CALD1: variants seen among roughly 807,000 people sequenced by gnomAD.
The protein encoded by CALD1 is caldesmon 1.
CALD1 carries 33 observed loss-of-function variants against 99.9 expected under a neutral mutation model. That is an observed-to-expected ratio of 0.33 (90% CI 0.25 to 0.44). The LOEUF is 0.44. Ranked by LOEUF, CALD1 falls within the 20% of genes least tolerant of loss-of-function variation. The probability of loss-of-function intolerance (pLI) is 1.00; values close to 1 mark genes in which losing one functional copy is unlikely to be tolerated. For missense variants in CALD1, 861 were observed against 962.1 expected (o/e 0.89, Z 1.39); for synonymous variants, 310 against 325.0 (o/e 0.95, Z 0.50).
intron 1 of CALD1, among the ~76,000 whole-genome samples, chr7:134,751,063 C>T (rs1473988021): frequency 6.6e-6 from 1 of 152,204 alleles, no homozygotes; most frequent in Non-Finnish European, 1.5e-5. Flanking sequence ...ACTTACAATG[C>T]ACACTGAGAC....
intron 1 of CALD1, among the ~76,000 whole-genome samples, chr7:134,786,366 T>C (rs1797305736): frequency 6.6e-6 from 1 of 152,240 alleles, no homozygotes; most frequent in African/African-American, 2.4e-5. Context: ...TTTTTGTGTT[T>C]TATTAATGAG....
At chr7:134,711,660 CTATATATA>C in the CALD1 span, among the ~76,000 whole-genome samples, 7 of 78,350 alleles carry the variant, frequency 8.9e-5, no homozygotes, top group African/African-American at 3.1e-4. Flanking sequence ...CTCTCTCTCT[CTATATATA>C]TATATATATA....
At chr7:134,894,718 G>A (rs1417785732) in intron 3 of CALD1, among the ~76,000 whole-genome samples, 4 of 152,166 alleles carry the variant, frequency 2.6e-5, no homozygotes, top group African/African-American at 4.8e-5. Flanking sequence ...AGTCGTGAAT[G>A]GTTGTTCAGT....
At chr7:134,837,629 G>A (rs1799497526) in intron 1 of CALD1, among the ~76,000 whole-genome samples, 1 of 152,140 alleles carries the variant, frequency 6.6e-6, no homozygotes, top group African/African-American at 2.4e-5. Context: ...TTACAGGCGT[G>A]AGCCAATGCA....
chr7:134,831,101 A>T (rs1006798991), intron 1 of CALD1, among the ~76,000 whole-genome samples: 1 of 152,244 alleles, frequency 6.6e-6, no homozygotes, highest in African/African-American at 2.4e-5. Flanking sequence ...TGATAAGGGA[A>T]TGATTACATA....
At chr7:134,883,130 G>C (rs144977304) in intron 3 of CALD1, among the ~76,000 whole-genome samples, 1,771 of 152,264 alleles carry the variant, frequency 0.012, 24 homozygotes, top group Non-Finnish European at 0.018. Context: ...AATAGCCTCA[G>C]AACTGTATTT....
chr7:134,789,051 A>AG (rs1797419808), intron 1 of CALD1, among the ~76,000 whole-genome samples: 1 of 150,530 alleles, frequency 6.6e-6, no homozygotes, highest in African/African-American at 2.4e-5. Flanking sequence ...AAAAAAAAAA[A>AG]GTCTACAATT....
At chr7:134,895,562 A>G (rs1470225277) in intron 3 of CALD1, among the ~76,000 whole-genome samples, 1 of 151,974 alleles carries the variant, frequency 6.6e-6, no homozygotes, top group Non-Finnish European at 1.5e-5. Context: ...CTCTTCTAAT[A>G]CCTATTAATG....
intron 6 of CALD1, among the ~76,000 whole-genome samples, chr7:134,936,566 G>A (rs971000883): frequency 2.6e-5 from 4 of 152,180 alleles, no homozygotes; most frequent in Admixed American, 6.5e-5. Flanking sequence ...TATGAGACTG[G>A]TGAAGTGATT....
At chr7:134,788,167 G>T (rs1047682645) in intron 1 of CALD1, among the ~76,000 whole-genome samples, 1 of 152,144 alleles carries the variant, frequency 6.6e-6, no homozygotes, top group African/African-American at 2.4e-5. Flanking sequence ...TATATGAAGA[G>T]CCAAGATAAT....
At chr7:134,799,472 T>C (rs1797865686) in intron 1 of CALD1, among the ~76,000 whole-genome samples, 1 of 152,206 alleles carries the variant, frequency 6.6e-6, no homozygotes, top group Admixed American at 6.5e-5. Flanking sequence ...CTTTGGTCTT[T>C]CCTGTTCCAC....
chr7:134,805,376 T>C (rs1798095781), intron 1 of CALD1, among the ~76,000 whole-genome samples: 1 of 152,186 alleles, frequency 6.6e-6, no homozygotes, highest in Non-Finnish European at 1.5e-5. Flanking sequence ...TATATATTGT[T>C]TTTAGCCATA....
At chr7:134,889,650 G>A (rs553699637) in intron 3 of CALD1, among the ~76,000 whole-genome samples, 9 of 152,264 alleles carry the variant, frequency 5.9e-5, no homozygotes, top group Admixed American at 2.6e-4. Flanking sequence ...AGAATGCCTC[G>A]ATACATGTTT....
At chr7:134,712,943 A>G in the CALD1 span, among the ~76,000 whole-genome samples, 1 of 152,224 alleles carries the variant, frequency 6.6e-6, no homozygotes, top group Non-Finnish European at 1.5e-5. Flanking sequence ...CGCAATTCCC[A>G]TTCACTCCTT....
intron 9 of CALD1, among the ~76,000 whole-genome samples, chr7:134,955,313 G>A (rs530491858): frequency 5.9e-5 from 9 of 152,266 alleles, no homozygotes; most frequent in Non-Finnish European, 8.8e-5. Context: ...ACTTGAACCC[G>A]GGAGGTGGAG....
intron 2 of CALD1, among the ~76,000 whole-genome samples, chr7:134,846,196 G>T (rs1799844992): frequency 6.6e-6 from 1 of 152,214 alleles, no homozygotes; most frequent in South Asian, 2.1e-4. Flanking sequence ...CGTTTTCAGG[G>T]TCAGGTGGCT....
chr7:134,777,155 T>G (rs530938805), upstream of CALD1, among the ~76,000 whole-genome samples: 1 of 152,110 alleles, frequency 6.6e-6, no homozygotes, highest in Non-Finnish European at 1.5e-5. Context: ...TCTTTTTTTT[T>G]CCCCCTTCCT....
At chr7:134,967,409 C>T (rs779844213) in intron 14 of CALD1, among the ~76,000 whole-genome samples, 1 of 152,030 alleles carries the variant, frequency 6.6e-6, no homozygotes, top group African/African-American at 2.4e-5. Flanking sequence ...CAATGAACAC[C>T]CTTGAAAATT....
chr7:134,785,738 CAT>C (rs1797279863), intron 1 of CALD1, among the ~76,000 whole-genome samples: 1 of 152,182 alleles, frequency 6.6e-6, no homozygotes, highest in South Asian at 2.1e-4. Context: ...GGAGGCAAAA[CAT>C]ATGCTGAACC....
Sources: gnomAD v4.1 joint callset for allele counts (sites outside exome capture counted in the v4.1 genomes callset) on GRCh38, gnomAD v4.1.1 for gene constraint, MANE v1.5 for transcripts, NCBI Gene and HGNC (gene_info 2026-07-23, HGNC 2026-07-21) for gene names.